PAK1: variants seen among roughly 807,000 people sequenced by gnomAD.
The protein encoded by PAK1 is serine/threonine-protein kinase PAK 1.
PAK1 carries 29 observed loss-of-function variants against 67.4 expected under a neutral mutation model. That is an observed-to-expected ratio of 0.43 (90% CI 0.32 to 0.59). PAK1 has a LOEUF of 0.59. Among genes scored for constraint, PAK1 ranks in the 20% least tolerant of loss-of-function variants. The pLI, the probability that PAK1 is intolerant of heterozygous loss-of-function variation, is 0.07. For synonymous variants in PAK1, 223 were observed against 237.4 expected (o/e 0.94, Z 0.56); for missense variants, 337 against 670.7 (o/e 0.50, Z 5.50).
intron 1 of PAK1, among the ~76,000 whole-genome samples, chr11:77,424,091 C>T (rs998239161): frequency 7.9e-5 from 12 of 152,212 alleles, no homozygotes; most frequent in African/African-American, 2.9e-4. Context: ...AATGAGGAAA[C>T]CACTGCAGCT....
chr11:77,422,850 T>C (rs976219651), intron 1 of PAK1, among the ~76,000 whole-genome samples: 1 of 152,160 alleles, frequency 6.6e-6, no homozygotes, highest in African/African-American at 2.4e-5. Context: ...ACATTCTTTC[T>C]GGAGCTACAG....
chr11:77,363,657 A>G (rs1271730193), intron 5 of PAK1, among the ~76,000 whole-genome samples: 1 of 152,184 alleles, frequency 6.6e-6, no homozygotes, highest in African/African-American at 2.4e-5. Flanking sequence ...ACAGCCCAGA[A>G]TAATCTGTCC....
intron 8 of PAK1, among the ~76,000 whole-genome samples, chr11:77,351,658 A>C (rs1945262487): frequency 6.6e-6 from 1 of 152,038 alleles, no homozygotes; most frequent in East Asian, 1.9e-4. Context: ...ATAAATGCAA[A>C]TAACAGATGT....
chr11:77,403,104 C>A (rs1476855698), intron 1 of PAK1, among the ~76,000 whole-genome samples: 1 of 152,236 alleles, frequency 6.6e-6, no homozygotes, highest in African/African-American at 2.4e-5. Context: ...TGTTTTCCCT[C>A]TTACACCCTA....
intron 1 of PAK1, among the ~76,000 whole-genome samples, chr11:77,396,048 T>G (rs1951787458): frequency 6.6e-6 from 1 of 152,146 alleles, no homozygotes; most frequent in South Asian, 2.1e-4. Context: ...AACAGCTTCA[T>G]TGAATGTAAC....
chr11:77,492,499 G>A, the PAK1 span, among the ~76,000 whole-genome samples: 4 of 151,222 alleles, frequency 2.6e-5, no homozygotes, highest in Non-Finnish European at 4.4e-5. Flanking sequence ...CTCTGCCCAG[G>A]GTATTAGGAG....
intron 1 of PAK1, among the ~76,000 whole-genome samples, chr11:77,455,487 T>C (rs1278563615): frequency 6.6e-6 from 1 of 152,166 alleles, no homozygotes; most frequent in South Asian, 2.1e-4. Context: ...CTAGCAACTG[T>C]AGCAACAGGT....
At chr11:77,404,629 C>G (rs1473016200) in intron 1 of PAK1, among the ~76,000 whole-genome samples, 4 of 152,142 alleles carry the variant, frequency 2.6e-5, no homozygotes, top group Non-Finnish European at 4.4e-5. Flanking sequence ...TTCCTACCCT[C>G]AAATCTATGT....
chr11:77,372,622 G>A lies in PAK1; in HGVS notation c.477+1706C>T, dbSNP rs1434195413. On this transcript the variant is annotated intron_variant, in intron 5 of 14. Transcript: ENST00000356341. The stretch of plus-strand genomic sequence containing the variant: ...CCACTCTTCTGCTTAAGTTCTTTAA[G>A]CGTCTCATCACCTTTAAGATAAGTC... 2.6e-5 allele frequency among the ~76,000 whole-genome samples: 4 copies of A among 152,126 alleles called. No homozygotes were observed. In the East Asian group the frequency reaches 7.7e-4, roughly 29 times the overall value.
At chr11:77,341,619 C>T (rs1048963211) in intron 10 of PAK1, among the ~76,000 whole-genome samples, 2 of 152,172 alleles carry the variant, frequency 1.3e-5, no homozygotes, top group African/African-American at 4.8e-5. Flanking sequence ...TCAATGTTTC[C>T]TTACTATAGA....
intron 2 of PAK1, among the ~76,000 whole-genome samples, chr11:77,384,980 T>C (rs1950275902): frequency 6.6e-6 from 1 of 152,164 alleles, no homozygotes; most frequent in Admixed American, 6.5e-5. Context: ...ATCAATTCAA[T>C]TAATGCAGAA....
upstream of PAK1, among the ~76,000 whole-genome samples, chr11:77,479,068 G>A (rs1394042170): frequency 4.1e-5 from 6 of 144,790 alleles, no homozygotes; most frequent in East Asian, 2.0e-4. Context: ...CTAGGCGGCC[G>A]AGCAAGACTC....
chr11:77,480,533 T>G, the PAK1 span, among the ~76,000 whole-genome samples: 23 of 149,818 alleles, frequency 1.5e-4, no homozygotes, highest in African/African-American at 5.6e-4. Context: ...TTTTTTTTTT[T>G]TTTTTTTTGA....
At chr11:77,351,591 T>C (rs1945254810) in intron 8 of PAK1, among the ~76,000 whole-genome samples, 1 of 152,076 alleles carries the variant, frequency 6.6e-6, no homozygotes, top group Non-Finnish European at 1.5e-5. Flanking sequence ...TGAAAAACAC[T>C]GGAACTAGAA....
At chr11:77,444,975 A>G (rs560378411) in intron 1 of PAK1, among the ~76,000 whole-genome samples, 1 of 149,154 alleles carries the variant, frequency 6.7e-6, no homozygotes, top group African/African-American at 2.4e-5. Context: ...TTGTGTCTCA[A>G]AAAAAAAAAA....
At chr11:77,328,032 CAAAG>C (rs1367085310) in intron 14 of PAK1, among the ~76,000 whole-genome samples, 9 of 152,058 alleles carry the variant, frequency 5.9e-5, no homozygotes, top group African/African-American at 2.2e-4. Context: ...TCAAAAGAGA[CAAAG>C]AAGGCCATTA....
At chr11:77,433,631 T>C (rs572394719) in intron 1 of PAK1, among the ~76,000 whole-genome samples, 35 of 152,016 alleles carry the variant, frequency 2.3e-4, no homozygotes, top group African/African-American at 8.4e-4. Flanking sequence ...TACAAAAAAT[T>C]AGCTGGGCGT....
Position 77,340,671 on chromosome 11 carries a change from C to T in PAK1, c.1091G>A (p.Gly364Asp). The change falls in exon 11 of 15, where the codon GGC (glycine) becomes GAC (aspartate). Residue 364 changes from glycine (G) to aspartate (D), a missense_variant. This residue lies in a region of PAK1 where 25 missense variants were observed against 47.6 expected (regional missense o/e 0.53). Coordinates refer to ENST00000356341, the MANE Select transcript of PAK1 (RefSeq NM_002576.5). The part of the protein sequence containing the change: ...DVVTETCMDE[G>D]QIAAVCRECL... Reference sequence around the variant, plus strand: ...CTCACGGCACACAGCTGCAATTTGGCCTTCATCCATGCAAGTTTCTGTCAC... The same window carrying T: ...CTCACGGCACACAGCTGCAATTTGGTCTTCATCCATGCAAGTTTCTGTCAC... 1 of 1,604,356 alleles carries T rather than the reference C, an allele frequency of 6.2e-7. No individual in the cohort carries two copies. The highest frequency in any genetic ancestry group is 8.5e-7 in the Non-Finnish European group (1 of 1,171,074).
chr11:77,364,917 C>CT (rs1167706706), intron 5 of PAK1, among the ~76,000 whole-genome samples: 1 of 152,030 alleles, frequency 6.6e-6, no homozygotes, highest in African/African-American at 2.4e-5. Flanking sequence ...CACCAGAGAG[C>CT]TAAACAAGGG....
Sources: gnomAD v4.1 joint callset for allele counts (sites outside exome capture counted in the v4.1 genomes callset) on GRCh38, gnomAD v4.1.1 for gene constraint, gnomAD v4.1.1 regional missense constraint, MANE v1.5 for transcripts, NCBI Gene and HGNC (gene_info 2026-07-23, HGNC 2026-07-21) for gene names.